TAFA1: variants seen among roughly 807,000 people sequenced by gnomAD.
The protein encoded by TAFA1 is chemokine-like protein TAFA-1.
A neutral mutation model predicts 18.5 loss-of-function variants in TAFA1; 4 were observed. That is an observed-to-expected ratio of 0.22 (90% CI 0.11 to 0.49). TAFA1 has a LOEUF of 0.49. Among genes scored for constraint, TAFA1 ranks in the 20% least tolerant of loss-of-function variants. The pLI, the probability that TAFA1 is intolerant of heterozygous loss-of-function variation, is 0.98. For missense variants in TAFA1, 147 were observed against 169.0 expected (o/e 0.87, Z 0.72); for synonymous variants, 56 against 55.2 (o/e 1.01, Z -0.06).
chr3:68,447,998 C>A (rs2071500283), intron 3 of TAFA1, among the ~76,000 whole-genome samples: 1 of 152,200 alleles, frequency 6.6e-6, no homozygotes. Context: ...ACCCACACCA[C>A]ACATTCAGTA....
At chr3:68,116,702 C>G (rs574190621) in intron 2 of TAFA1, among the ~76,000 whole-genome samples, 1 of 152,286 alleles carries the variant, frequency 6.6e-6, no homozygotes, top group South Asian at 2.1e-4. Flanking sequence ...GCCCCCTCAT[C>G]TCTGCTAAAA....
At chr3:68,330,910 T>G (rs535381242) in intron 2 of TAFA1, among the ~76,000 whole-genome samples, 1,140 of 59,056 alleles carry the variant, frequency 0.019, 15 homozygotes, top group African/African-American at 0.068. Context: ...TTCATATGTG[T>G]TTTTTTTTCA....
chr3:68,508,424 G>T (rs774235122), intron 3 of TAFA1, among the ~76,000 whole-genome samples: 1 of 151,998 alleles, frequency 6.6e-6, no homozygotes, highest in Non-Finnish European at 1.5e-5. Context: ...CTTTCACTGG[G>T]TGTCAAACTC....
the TAFA1 span, among the ~76,000 whole-genome samples, chr3:67,998,084 C>T: frequency 6.6e-6 from 1 of 151,500 alleles, no homozygotes. Flanking sequence ...TATTAAATTA[C>T]AATTTTTTTA....
chr3:68,289,179 G>T (rs961155959), intron 2 of TAFA1, among the ~76,000 whole-genome samples: 3 of 152,112 alleles, frequency 2.0e-5, no homozygotes, highest in Non-Finnish European at 1.5e-5. Context: ...CATAGGAATT[G>T]TTTATATACA....
chr3:68,248,319 A>T (rs910019419), intron 2 of TAFA1, among the ~76,000 whole-genome samples: 2 of 152,236 alleles, frequency 1.3e-5, no homozygotes, highest in African/African-American at 4.8e-5. Flanking sequence ...GTTAATACAA[A>T]ACCTTAACAA....
At chr3:68,119,592 T>A (rs2065363885) in intron 2 of TAFA1, among the ~76,000 whole-genome samples, 1 of 152,056 alleles carries the variant, frequency 6.6e-6, no homozygotes. Context: ...TCTTTTTGCG[T>A]GTGGATATCC....
At chr3:68,263,645 G>A (rs2067482431) in intron 2 of TAFA1, among the ~76,000 whole-genome samples, 1 of 151,940 alleles carries the variant, frequency 6.6e-6, no homozygotes, top group South Asian at 2.1e-4. Context: ...GTTACAGCAA[G>A]TGAGTGGAGG....
chr3:68,120,175 TTCTTTCTTTC>T (rs1488525679), intron 2 of TAFA1, among the ~76,000 whole-genome samples: 132 of 17,140 alleles, frequency 7.7e-3, no homozygotes, highest in Middle Eastern at 0.029. Flanking sequence ...TTCTTTCTCT[TTCTTTCTTTC>T]TTTCTTTCTT....
chr3:68,333,364 C>G (rs2068914155), intron 2 of TAFA1, among the ~76,000 whole-genome samples: 1 of 152,152 alleles, frequency 6.6e-6, no homozygotes, highest in Non-Finnish European at 1.5e-5. Flanking sequence ...AGACCTTTAT[C>G]TTAAGCAAAC....
At chr3:68,348,760 T>C (rs1201448766) in intron 2 of TAFA1, among the ~76,000 whole-genome samples, 1 of 152,074 alleles carries the variant, frequency 6.6e-6, no homozygotes, top group Admixed American at 6.6e-5. Context: ...CAAGAACATC[T>C]GAAAGCAATT....
At chr3:68,287,284 A>G (rs756702011) in intron 2 of TAFA1, among the ~76,000 whole-genome samples, 2 of 152,178 alleles carry the variant, frequency 1.3e-5, no homozygotes, top group Non-Finnish European at 2.9e-5. Context: ...GCCCTATTAC[A>G]TGAGGAACTG....
At chr3:68,405,258 A>G (rs1234731977) in intron 2 of TAFA1, among the ~76,000 whole-genome samples, 2 of 152,088 alleles carry the variant, frequency 1.3e-5, no homozygotes, top group Admixed American at 1.3e-4. Flanking sequence ...GTTAATGATT[A>G]TTGTTGGGCT....
chr3:68,107,199 A>T (rs746070052), intron 2 of TAFA1, among the ~76,000 whole-genome samples: 3 of 152,124 alleles, frequency 2.0e-5, no homozygotes, highest in African/African-American at 7.2e-5. Flanking sequence ...GGAATTGGCA[A>T]ATGCTACAAA....
At chr3:68,423,162 T>A (rs2070989006) in intron 3 of TAFA1, among the ~76,000 whole-genome samples, 1 of 152,066 alleles carries the variant, frequency 6.6e-6, no homozygotes, top group African/African-American at 2.4e-5. Flanking sequence ...GTAAAAATAA[T>A]GGAACATAAT....
At chr3:68,106,924 A>G (rs964071085) in intron 2 of TAFA1, among the ~76,000 whole-genome samples, 1 of 152,200 alleles carries the variant, frequency 6.6e-6, no homozygotes, top group East Asian at 1.9e-4. Flanking sequence ...GAAAACCCCT[A>G]AACATCAAAC....
At chr3:68,281,976 A>G (rs2067906419) in intron 2 of TAFA1, among the ~76,000 whole-genome samples, 1 of 152,206 alleles carries the variant, frequency 6.6e-6, no homozygotes, top group Non-Finnish European at 1.5e-5. Context: ...CCCATAGTTC[A>G]GCATGGCTGG....
rs148900350 is a variant in TAFA1, at chr3:68,193,623, C to G, written c.118+186879C>G. On this transcript the variant is annotated intron_variant, in intron 2 of 4. Transcript: ENST00000478136. ...TCCATTATCATTTTGAATAAAACATCTTTCCTTAAGCAAAAATGTTTCTGA... is the reference window on the plus strand; with the variant it reads ...TCCATTATCATTTTGAATAAAACATGTTTCCTTAAGCAAAAATGTTTCTGA... Among the ~76,000 whole-genome samples the G allele has an allele frequency of 1.0e-3, 153 of 151,880 alleles. 1 individual carries two copies. Among genetic ancestry groups the G allele is most frequent in the African/African-American group, 3.5e-3 (145 of 41,496 alleles).
intron 2 of TAFA1, among the ~76,000 whole-genome samples, chr3:68,228,667 G>A (rs2066833063): frequency 6.6e-6 from 1 of 152,160 alleles, no homozygotes; most frequent in African/African-American, 2.4e-5. Flanking sequence ...TTGGTGCCTA[G>A]CACAAAGTTT....
Sources: gnomAD v4.1 joint callset for allele counts (sites outside exome capture counted in the v4.1 genomes callset) on GRCh38, gnomAD v4.1.1 for gene constraint, MANE v1.5 for transcripts, NCBI Gene and HGNC (gene_info 2026-07-23, HGNC 2026-07-21) for gene names.